Variants in MCTP1 observed in about 807,000 individuals in gnomAD.
The protein encoded by MCTP1 is multiple C2 and transmembrane domain containing 1, also known as multiple C2 and transmembrane domain-containing protein 1.
MCTP1 carries 69 observed loss-of-function variants against 120.6 expected under a neutral mutation model. The ratio of observed to expected loss-of-function variants is 0.57; its 90% confidence interval spans 0.47 to 0.70. The LOEUF (loss-of-function observed/expected upper bound fraction) is 0.70. Ranked by LOEUF, MCTP1 falls within the 30% of genes least tolerant of loss-of-function variation. MCTP1 has a pLI of 0.00. For synonymous variants in MCTP1, 529 were observed against 493.1 expected (o/e 1.07, Z -0.96); for missense variants, 1,203 against 1,248.8 (o/e 0.96, Z 0.55).
At chr5:94,982,883 T>TAAAAAAAAAAAAAA (rs1829718509) in intron 2 of MCTP1, among the ~76,000 whole-genome samples, 1 of 13,198 alleles carries the variant, frequency 7.6e-5, no homozygotes, top group African/African-American at 2.5e-4. Flanking sequence ...GCACACTTCA[T>TAAAAAAAAAAAAAA]CAAAAAAAAA....
rs745780744 is a variant in MCTP1 at position 94,894,769 on chromosome 5, C to T, written c.1719G>A (p.Glu573=). 1 of 1,613,502 alleles carries T rather than the reference C, an allele frequency of 6.2e-7. No individual in the cohort carries two copies. Among genetic ancestry groups the T allele is most frequent in the East Asian group, 2.2e-5 (1 of 44,854 alleles). ...CCAGCAGCACCAGGTGTCCCTCACC[C>T]TCTTCCAGCTGCAACTCCAGCTTGT... The part of the protein sequence containing the change: ...QTHKLELQLE[E]GEGHLVLLVT... Residue 573 remains glutamate (E), a synonymous_variant, in exon 11 of 23, where the codon GAG becomes GAA. Transcript: ENST00000515393.
chr5:94,785,787 A>T (rs992350721), intron 18 of MCTP1, among the ~76,000 whole-genome samples: 3 of 152,070 alleles, frequency 2.0e-5, no homozygotes, highest in South Asian at 2.1e-4. Context: ...CACATTATTT[A>T]AAAAAATTTC....
chr5:94,775,883 AATG>A (rs1301111062), intron 19 of MCTP1, among the ~76,000 whole-genome samples: 2 of 150,182 alleles, frequency 1.3e-5, no homozygotes, highest in Non-Finnish European at 3.0e-5. Flanking sequence ...TCACCTGAAT[AATG>A]ATTAGCTCTT....
chr5:95,029,185 T>C (rs568514097), intron 1 of MCTP1, among the ~76,000 whole-genome samples: 2 of 150,922 alleles, frequency 1.3e-5, no homozygotes, highest in South Asian at 4.2e-4. Context: ...AAAGTGTTTG[T>C]AACTGTAAGA....
At chr5:94,750,637 G>A (rs949808731) in intron 19 of MCTP1, among the ~76,000 whole-genome samples, 2 of 152,176 alleles carry the variant, frequency 1.3e-5, no homozygotes, top group South Asian at 2.1e-4. Flanking sequence ...AGGGCTTAAC[G>A]TGAGGGTGAC....
In MCTP1 at chr5:94,961,073, A is replaced by G. The variant is rs765853975; in HGVS notation, c.839-7712T>C. Among the ~76,000 whole-genome samples, 102 of 152,244 alleles carry G rather than the reference A, an allele frequency of 6.7e-4. 3 individuals are homozygous for G. The highest frequency in any genetic ancestry group is 4.5e-3 in the Admixed American group (69 of 15,286). On this transcript the variant is annotated intron_variant, in intron 2 of 22. Coordinates refer to ENST00000515393, the MANE Select transcript of MCTP1 (RefSeq NM_024717.7). ...TAAAGAAAATGTGGCAGATATACACAATGGAATACTATGCAGTCATAAAAA... is the reference window on the plus strand; with the variant it reads ...TAAAGAAAATGTGGCAGATATACACGATGGAATACTATGCAGTCATAAAAA...
At chr5:94,982,202 C>T (rs1829554225) in intron 2 of MCTP1, among the ~76,000 whole-genome samples, 1 of 152,086 alleles carries the variant, frequency 6.6e-6, no homozygotes, top group Admixed American at 6.6e-5. Context: ...TTTATGTCTA[C>T]ACTATATCCT....
chr5:95,086,262 A>G (rs1433612052), intron 1 of MCTP1, among the ~76,000 whole-genome samples: 1 of 152,188 alleles, frequency 6.6e-6, no homozygotes, highest in East Asian at 1.9e-4. Flanking sequence ...ACCCCCGTAC[A>G]GTATTAGAGG....
intron 1 of MCTP1, among the ~76,000 whole-genome samples, chr5:95,190,898 C>G (rs548256553): frequency 6.6e-6 from 1 of 152,074 alleles, no homozygotes; most frequent in Admixed American, 6.6e-5. Flanking sequence ...AATCTTAAAT[C>G]TGCCAAATTC....
intron 18 of MCTP1, among the ~76,000 whole-genome samples, chr5:94,797,750 G>A (rs1780393000): frequency 6.6e-6 from 1 of 152,046 alleles, no homozygotes; most frequent in African/African-American, 2.4e-5. Flanking sequence ...GATGAACAGA[G>A]TTCCTTCCCT....
At chr5:94,776,298 A>G (rs1775307169) in intron 19 of MCTP1, among the ~76,000 whole-genome samples, 1 of 152,168 alleles carries the variant, frequency 6.6e-6, no homozygotes, top group Non-Finnish European at 1.5e-5. Context: ...ACTAATATCA[A>G]TGCTGGCTCT....
At chr5:94,820,741 A>G (rs1407371174) in intron 17 of MCTP1, among the ~76,000 whole-genome samples, 2 of 152,222 alleles carry the variant, frequency 1.3e-5, no homozygotes, top group African/African-American at 4.8e-5. Flanking sequence ...AGTGCCTATC[A>G]AAAATCAGTT....
At chr5:95,000,603 G>C (rs760471348) in intron 2 of MCTP1, among the ~76,000 whole-genome samples, 3 of 152,054 alleles carry the variant, frequency 2.0e-5, no homozygotes, top group Non-Finnish European at 4.4e-5. Flanking sequence ...AAAGAAAAAA[G>C]TTGATGGAAT....
At chr5:94,933,734 G>A (rs1405652783) in intron 5 of MCTP1, among the ~76,000 whole-genome samples, 1 of 151,770 alleles carries the variant, frequency 6.6e-6, no homozygotes, top group African/African-American at 2.4e-5. Flanking sequence ...ATTAGAAAGA[G>A]TGAAATCTCA....
intron 7 of MCTP1, among the ~76,000 whole-genome samples, chr5:94,919,781 C>T (rs1293601048): frequency 6.6e-6 from 1 of 152,204 alleles, no homozygotes; most frequent in Non-Finnish European, 1.5e-5. Flanking sequence ...GAGTTTATTC[C>T]AGCGAATTGC....
intron 2 of MCTP1, among the ~76,000 whole-genome samples, chr5:95,002,085 C>T (rs1833844912): frequency 6.6e-6 from 1 of 152,170 alleles, no homozygotes; most frequent in Admixed American, 6.5e-5. Context: ...AGGTGCAAGT[C>T]CCAAGCTTCC....
At chr5:95,166,644 T>C (rs1746412595) in intron 1 of MCTP1, among the ~76,000 whole-genome samples, 2 of 148,916 alleles carry the variant, frequency 1.3e-5, no homozygotes, top group Admixed American at 1.4e-4. Context: ...CTCGGCTCAC[T>C]GCAAGCTCTG....
In MCTP1 at chr5:95,220,687, C is replaced by A. The variant is rs566881462; in HGVS notation, c.720+63169G>T. Among the ~76,000 whole-genome samples, 3 of 152,328 alleles carry A rather than the reference C, an allele frequency of 2.0e-5. No individual in the cohort carries two copies. The East Asian group carries it at 5.8e-4, about 29-fold the overall frequency. ...TCAGAACAACAAGAATACCTAATAA[C>A]ATACATGCTTCAAATCCAGAGTCAT... On this transcript the variant is annotated intron_variant, in intron 1 of 22. Transcript: ENST00000515393.
intron 19 of MCTP1, among the ~76,000 whole-genome samples, chr5:94,740,029 C>T (rs1765153371): frequency 6.6e-6 from 1 of 152,122 alleles, no homozygotes; most frequent in Non-Finnish European, 1.5e-5. Flanking sequence ...ACATGAAGTG[C>T]TACAGTAATT....
Sources: gnomAD v4.1 joint callset for allele counts (sites outside exome capture counted in the v4.1 genomes callset) on GRCh38, gnomAD v4.1.1 for gene constraint, MANE v1.5 for transcripts, NCBI Gene and HGNC (gene_info 2026-07-23, HGNC 2026-07-21) for gene names.